MGAM2: variants seen among roughly 807,000 people sequenced by gnomAD.
The protein encoded by MGAM2 is maltase-glucoamylase 2 (putative).
MGAM2 carries 98 observed loss-of-function variants against 96.1 expected under a neutral mutation model. That is an observed-to-expected ratio of 1.02 (90% CI 0.87 to 1.21). The LOEUF is 1.21. Ranked by LOEUF, MGAM2 falls within the 50% of genes most tolerant of loss-of-function variation. The pLI is 0.00. For missense variants in MGAM2, 2,055 were observed against 1,182.4 expected, an observed-to-expected ratio of 1.74 and a Z score of -10.82; for synonymous variants, 749 against 414.8, an observed-to-expected ratio of 1.81 and a Z score of -9.79.
At chr7:142,153,944 G>T in intron 15 of MGAM2, 74 bp from the exon 16 acceptor site, 1 of 505,240 alleles carries the variant, frequency 2.0e-6, no homozygotes, top group Non-Finnish European at 3.6e-6. Flanking sequence ...AAAGTCCATT[G>T]CTGCTCTTAT....
At chr7:142,203,622 A>G (rs79641910) in intron 45 of MGAM2, among the ~76,000 whole-genome samples, 1 of 152,212 alleles carries the variant, frequency 6.6e-6, no homozygotes, top group African/African-American at 2.4e-5. Context: ...ATAGTAACCA[A>G]AATAGCATAG....
intron 37 of MGAM2, among the ~76,000 whole-genome samples, chr7:142,190,650 C>T (rs1284472029): frequency 1.3e-5 from 2 of 152,010 alleles, no homozygotes; most frequent in Non-Finnish European, 2.9e-5. Context: ...TGCCAACACT[C>T]GGTGGTATTC....
intron 33 of MGAM2, 128 bp downstream of exon 33, chr7:142,183,501 T>G (rs745691613): frequency 5.0e-6 from 3 of 600,486 alleles, no homozygotes; most frequent in Admixed American, 5.6e-5. Context: ...ATCTGTCCGA[T>G]GCTGATTAGC....
At chr7:142,200,792 A>G (rs982835982) in intron 45 of MGAM2, among the ~76,000 whole-genome samples, 2 of 152,184 alleles carry the variant, frequency 1.3e-5, no homozygotes, top group African/African-American at 2.4e-5. Context: ...CACATGTTAA[A>G]GACAGAAAAT....
intron 45 of MGAM2, 51 bp from the exon 46 acceptor site, chr7:142,208,522 G>T: frequency 1.4e-6 from 1 of 697,866 alleles, no homozygotes; most frequent in Admixed American, 2.0e-5. Context: ...ATTATTTGCT[G>T]CAATTGAAGC....
In MGAM2 at chr7:142,188,303, G is replaced by C. The variant is rs537306872; in HGVS notation, c.4207+469G>C. Among the ~76,000 whole-genome samples the C allele has an allele frequency of 1.3e-4, 20 of 152,214 alleles. 1 individual carries two copies. The highest frequency in any genetic ancestry group is 4.8e-4 in the African/African-American group (20 of 41,526). On this transcript the variant is annotated intron_variant, in intron 36 of 47. Coordinates refer to ENST00000477922, the MANE Select transcript of MGAM2 (RefSeq NM_001293626.2). ...GGTATCAAAAGGATCTCAGAAAGTT[G>C]AATCTTCTCGTGTTGCAGAGAAACA... is the stretch of plus-strand genomic sequence containing the variant.
Position 142,182,928 on chromosome 7 carries a change from A to G in MGAM2, c.3817-338A>G, listed in dbSNP as rs549602028. On this transcript the variant is annotated intron_variant, in intron 32 of 47. Transcript: ENST00000477922. ...TGGCCATATTGTCCCCTTTCCTCTC[A>G]TTTTATTACTTACAGGTTGGGGTGG... Among the ~76,000 whole-genome samples, 12 of 152,134 alleles carry G rather than the reference A, an allele frequency of 7.9e-5. No homozygotes were observed. The East Asian group carries it at 2.3e-3, about 29-fold the overall frequency.
At position 142,161,191 on chromosome 7, in the gene MGAM2, C is replaced by T. The variant is rs749384372; in HGVS notation, c.2412C>T (p.Tyr804=). The change falls in exon 22 of 48, where the codon TAC becomes TAT. Residue 804 remains tyrosine, a synonymous_variant. Transcript: ENST00000477922. ...AGAGAGAAGCAAAGGGGGAGCTGTA[C>T]TGGGATGACGGTGTATCTAAAGGTA... The part of the protein sequence containing the change: ...DYKREAKGEL[Y]WDDGVSKDAV... 1.3e-5 allele frequency: 9 copies of T among 702,728 alleles called. No individual in the cohort carries two copies. The South Asian group carries it at 1.3e-4, about 10-fold the overall frequency. The allele number at this position is 702,728 out of a possible 1,614,324, so 43.5% of individuals were successfully genotyped here. A position where few individuals can be genotyped will look rare whatever the true frequency, so the allele number is the denominator to read the frequency against.
Position 142,155,736 on chromosome 7 carries a change from G to A in MGAM2, c.1923+891G>A, listed in dbSNP as rs774628101. On this transcript the variant is annotated intron_variant, in intron 17 of 47. Transcript: ENST00000477922. ...AGCTGTGTCCTGGAAGACTTACATAGGTAAGAACACTCAGATAACCCAGGA... is the reference window on the plus strand; with the variant it reads ...AGCTGTGTCCTGGAAGACTTACATAAGTAAGAACACTCAGATAACCCAGGA... 5.3e-5 allele frequency among the ~76,000 whole-genome samples: 8 copies of A among 152,266 alleles called. No individual in the cohort carries two copies. The South Asian group carries it at 6.2e-4, about 12-fold the overall frequency.
intron 19 of MGAM2, among the ~76,000 whole-genome samples, chr7:142,158,756 G>T (rs978296898): frequency 6.6e-6 from 1 of 152,196 alleles, no homozygotes. Flanking sequence ...GGAAGGCGAT[G>T]CTCTGAAGTC....
chr7:142,146,206 T>G (rs1795380844), intron 14 of MGAM2, among the ~76,000 whole-genome samples: 3 of 23,864 alleles, frequency 1.3e-4, no homozygotes, highest in Admixed American at 1.5e-3. Flanking sequence ...ATTTTGTTTT[T>G]GATTTTTTTT....
At chr7:142,198,502 CT>C in intron 43 of MGAM2, 112 bp from the exon 44 acceptor site, 1 of 604,862 alleles carries the variant, frequency 1.7e-6, no homozygotes, top group African/African-American at 1.8e-5. Context: ...GGTTTGCAGT[CT>C]TTTGCTGACT....
chr7:142,219,003 A>G (rs1585231171), intron 47 of MGAM2, among the ~76,000 whole-genome samples: 1 of 152,202 alleles, frequency 6.6e-6, no homozygotes, highest in South Asian at 2.1e-4. Context: ...TAATCTTCGA[A>G]TGAATACATC....
Position 142,173,238 on chromosome 7 carries a change from C to T in MGAM2, c.3571C>T (p.Arg1191Trp), listed in dbSNP as rs934664203. ...VTQQYTELIG[R>W]PAMIPYWALG... The stretch of plus-strand genomic sequence containing the variant: ...TTTCTTTTTATTCTAGTTGATTGGT[C>T]GGCCAGCAATGATTCCATACTGGGC... Residue 1191 changes from arginine to tryptophan, a missense_variant, in exon 31 of 48, where the codon CGG (arginine) becomes TGG (tryptophan). Arg to Trp is a moderately radical substitution (Grantham distance 101). Transcript: ENST00000477922. The T allele has an allele frequency of 2.7e-5, 19 of 702,750 alleles. No individual in the cohort carries two copies. The highest frequency in any genetic ancestry group is 8.7e-5 in the African/African-American group (5 of 57,226). 43.5% of individuals were successfully genotyped at this position (702,750 alleles called of 1,614,324 possible). A position where few individuals can be genotyped will look rare whatever the true frequency, so the allele number is the denominator to read the frequency against.
intron 33 of MGAM2, among the ~76,000 whole-genome samples, chr7:142,184,850 A>C (rs750157511): frequency 9.9e-5 from 15 of 151,642 alleles, no homozygotes; most frequent in Non-Finnish European, 1.6e-4. Context: ...AAATTCAGTT[A>C]ATTATTAAAT....
At chr7:142,186,144 CTTT>C (rs111646116) in intron 35 of MGAM2, 21 bp downstream of exon 35, 311 of 618,764 alleles carry the variant, frequency 5.0e-4, no homozygotes, top group South Asian at 9.2e-4. Context: ...CCTTGGTTGT[CTTT>C]TTTTTTTTTT....
At chr7:142,129,848 A>G in intron 3 of MGAM2, among the ~76,000 whole-genome samples, 1 of 120,414 alleles carries the variant, frequency 8.3e-6, no homozygotes, top group Non-Finnish European at 1.9e-5. Context: ...AAAAAAAAAA[A>G]AAAAAAAAAA....
chr7:142,165,290 C>G (rs976033168), intron 24 of MGAM2, among the ~76,000 whole-genome samples: 6 of 152,154 alleles, frequency 3.9e-5, no homozygotes, highest in African/African-American at 4.8e-5. Flanking sequence ...ATGAGACACT[C>G]TGATCCCAGC....
chr7:142,163,367 C>T (rs11526221), intron 23 of MGAM2, among the ~76,000 whole-genome samples: 19,617 of 152,192 alleles, frequency 0.13, 1,303 homozygotes, highest in Admixed American at 0.15. Flanking sequence ...CTGCAACCTC[C>T]GCCTCCTGCG....
Sources: gnomAD v4.1 joint callset for allele counts (sites outside exome capture counted in the v4.1 genomes callset) on GRCh38, gnomAD v4.1.1 for gene constraint, MANE v1.5 for transcripts, NCBI Gene and HGNC (gene_info 2026-07-23, HGNC 2026-07-21) for gene names.